Variants in WDR81 observed in about 807,000 individuals in gnomAD.
WDR81 encodes the protein WD repeat-containing protein 81.
In WDR81, 92 loss-of-function variants were observed where a neutral mutation model predicts 140.8. That is an observed-to-expected ratio of 0.65 (90% CI 0.55 to 0.78). The LOEUF is 0.78. Among genes scored for constraint, WDR81 ranks in the 30% least tolerant of loss-of-function variants. The probability of loss-of-function intolerance (pLI) is 0.00; values close to 1 mark genes in which losing one functional copy is unlikely to be tolerated. For synonymous variants in WDR81, 1,183 were observed against 1,156.4 expected, an observed-to-expected ratio of 1.02 and a Z score of -0.47; for missense variants, 2,502 against 2,636.4, an observed-to-expected ratio of 0.95 and a Z score of 1.12.
upstream of WDR81, among the ~76,000 whole-genome samples, chr17:1,720,203 T>A (rs2151155595): frequency 6.6e-6 from 1 of 152,164 alleles, no homozygotes; most frequent in East Asian, 1.9e-4. Flanking sequence ...CTGCAGCCTC[T>A]GTCCCTGACT....
At position 1,735,836 on chromosome 17, in the gene WDR81, T is replaced by G; in HGVS notation, c.5325+119T>G. The G allele has an allele frequency of 2.1e-6, 3 of 1,430,526 alleles. No homozygotes were observed. The highest frequency in any genetic ancestry group is 2.8e-6 in the Non-Finnish European group (3 of 1,068,088). The allele number at this position is 1,430,526 out of a possible 1,614,324, so 88.6% of individuals were successfully genotyped here. On this transcript the variant is annotated intron_variant, in intron 8 of 9. Transcript: ENST00000409644. The surrounding 1 kb of genome is among the most constrained non-coding windows in gnomAD (Gnocchi z 4.2). ...TTCTGGGGCCCTAGTTAGTTTCTCT[T>G]TGGTGCTAGATCACCCACAGCCACA...
chr17:1,737,147 T>C (rs1276411260), intron 9 of WDR81, among the ~76,000 whole-genome samples: 2 of 152,180 alleles, frequency 1.3e-5, no homozygotes, highest in African/African-American at 4.8e-5. Context: ...TGCCTGTGCG[T>C]AGTTCTCAAG....
At position 1,730,981 on chromosome 17, in the gene WDR81, G is replaced by A. The variant is rs1181309885; in HGVS notation, c.3966+36G>A. 2.5e-6 allele frequency: 4 copies of A among 1,608,988 alleles called. No individual in the cohort carries two copies. The Admixed American group carries it at 6.7e-5, about 27-fold the overall frequency. The stretch of plus-strand genomic sequence containing the variant: ...GGTTTGGCAGGCCCGGGGCTGGGAA[G>A]GCTGAGGACCTGAGGGCCGGCCCGG... On this transcript the variant is annotated intron_variant, in intron 3 of 9. Transcript: ENST00000409644.
chr17:1,735,928 G>A lies in WDR81; in HGVS notation c.5326-111G>A. ...TTCTGGGCTTTTCATGCCCCCTGATGAGGGTCAGAGGCTCAGGCCTTCCTG... is the reference window on the plus strand; with the variant it reads ...TTCTGGGCTTTTCATGCCCCCTGATAAGGGTCAGAGGCTCAGGCCTTCCTG... On this transcript the variant is annotated intron_variant, in intron 8 of 9. Transcript: ENST00000409644. The surrounding 1 kb of genome is among the most constrained non-coding windows in gnomAD (Gnocchi z 4.2). 1 of 1,455,470 alleles carries A rather than the reference G, an allele frequency of 6.9e-7. No homozygotes were observed. The highest frequency in any genetic ancestry group is 1.4e-5 in the South Asian group (1 of 73,402). 90.2% of individuals were successfully genotyped at this position (1,455,470 alleles called of 1,614,324 possible).
At chr17:1,719,565 A>C (rs967229401) in intron 1 of WDR81, among the ~76,000 whole-genome samples, 73 of 144,768 alleles carry the variant, frequency 5.0e-4, no homozygotes, top group East Asian at 8.5e-4. Flanking sequence ...AGAAAAAAAA[A>C]AAAAAATTAA....
At chr17:1,730,667 G>A (rs1167580479) in intron 2 of WDR81, 88 bp from the exon 3 acceptor site, 2 of 1,478,074 alleles carry the variant, frequency 1.4e-6, no homozygotes, top group Admixed American at 2.2e-5. Context: ...CAGCTAGAGT[G>A]AGCTCAAGCG....
chr17:1,726,113 G>A lies in WDR81; in HGVS notation c.1154G>A (p.Trp385Ter). Residue 385 changes from tryptophan (W) to a stop codon, truncating the protein, a stop_gained, in exon 1 of 10, where the codon TGG (tryptophan) becomes TAG (stop). Coordinates refer to ENST00000409644, the MANE Select transcript of WDR81 (RefSeq NM_001163809.2). LOFTEE classifies it high-confidence loss of function. ...CCCAACTACCACCCCGTGCTGCCCT[G>A]GGTGGTGGACTTCACTACGCCCCAT... ...GDPNYHPVLP[W>*]VVDFTTPHGR... The A allele has an allele frequency of 6.5e-7, 1 of 1,544,992 alleles. No homozygotes were observed. The highest frequency in any genetic ancestry group is 8.7e-7 in the Non-Finnish European group (1 of 1,143,150).
At position 1,736,090 on chromosome 17, in the gene WDR81, G is replaced by T; in HGVS notation, c.5377G>T (p.Ala1793Ser). Residue 1793 changes from alanine to serine, a missense_variant, in exon 9 of 10, where the codon GCC (alanine) becomes TCC (serine). Transcript: ENST00000409644. ...GLNPGLVRAL[A>S]ISPSGRSVVA... ...GAACCCTGGGCTTGTCCGTGCCCTGGCCATCAGCCCCAGTGGCCGTAGTGT... is the reference window on the plus strand; with the variant it reads ...GAACCCTGGGCTTGTCCGTGCCCTGTCCATCAGCCCCAGTGGCCGTAGTGT... The T allele has an allele frequency of 6.2e-7, 1 of 1,602,056 alleles. No individual in the cohort carries two copies.
upstream of WDR81, chr17:1,724,472 G>A: frequency 2.0e-6 from 2 of 985,656 alleles, no homozygotes; most frequent in Non-Finnish European, 2.4e-6. Context: ...GCGCTGGTGC[G>A]TGCTGGAGGG....
chr17:1,727,740 C>T lies in WDR81; in HGVS notation c.2781C>T (p.Phe927=), dbSNP rs771048619. The T allele has an allele frequency of 1.4e-5, 22 of 1,550,566 alleles. No individual in the cohort carries two copies. The highest frequency in any genetic ancestry group is 4.1e-5 in the African/African-American group (3 of 73,050). ...AGGGCCTGGAGATCCTGCTGCCCTTCGTGCTCTCACTCATGTCCGAGGAGC... is the reference window on the plus strand; with the variant it reads ...AGGGCCTGGAGATCCTGCTGCCCTTTGTGCTCTCACTCATGTCCGAGGAGC... The part of the protein sequence containing the change: ...TPEGLEILLP[F]VLSLMSEEHT... The change falls in exon 1 of 10, where the codon TTC becomes TTT. Residue 927 remains phenylalanine (F), a synonymous_variant. Transcript: ENST00000409644.
At chr17:1,731,349 A>C in intron 4 of WDR81, 91 bp downstream of exon 4, 1 of 1,423,990 alleles carries the variant, frequency 7.0e-7, no homozygotes, top group South Asian at 1.4e-5. Flanking sequence ...AGGACGTAAC[A>C]CTGGACTGGG....
chr17:1,736,090 G>A lies in WDR81; in HGVS notation c.5377G>A (p.Ala1793Thr). ...GAACCCTGGGCTTGTCCGTGCCCTG[G>A]CCATCAGCCCCAGTGGCCGTAGTGT... Reference protein sequence around the residue: ...GLNPGLVRALAISPSGRSVVA... With the variant: ...GLNPGLVRALTISPSGRSVVA... Residue 1793 changes from alanine to threonine, a missense_variant, in exon 9 of 10, where the codon GCC becomes ACC. By Grantham distance (58) the Ala-to-Thr change is moderately conservative. Coordinates refer to ENST00000409644, the MANE Select transcript of WDR81 (RefSeq NM_001163809.2). 1 of 1,602,058 alleles carries A rather than the reference G, an allele frequency of 6.2e-7. No homozygotes were observed.
intron 2 of WDR81, 49 bp from the exon 3 acceptor site, chr17:1,730,705 AC>A: frequency 1.9e-6 from 3 of 1,553,204 alleles, no homozygotes; most frequent in African/African-American, 1.4e-5. Context: ...GGGCCAGGCT[AC>A]CCCCGGCCCT....
At position 1,726,076 on chromosome 17, in the gene WDR81, C is replaced by T. The variant is rs1425564808; in HGVS notation, c.1117C>T (p.Arg373Trp). 27 of 1,547,438 alleles carry T rather than the reference C, an allele frequency of 1.7e-5. No individual in the cohort carries two copies. The highest frequency in any genetic ancestry group is 2.3e-5 in the Non-Finnish European group (26 of 1,144,956). ...LMQLNRLAGR[R>W]QGDPNYHPVL... ...GCAGCTGAATCGGTTGGCAGGTCGG[C>T]GGCAGGGGGACCCCAACTACCACCC... is the stretch of plus-strand genomic sequence containing the variant. Residue 373 changes from arginine (R) to tryptophan (W), a missense_variant, in exon 1 of 10, where the codon CGG becomes TGG. Arg to Trp is a moderately radical substitution (Grantham distance 101). Around this residue, in one of 3 missense-constraint regions of WDR81, gnomAD observed 547 missense variants for 513.8 expected, o/e 1.06. Coordinates refer to ENST00000409644, the MANE Select transcript of WDR81 (RefSeq NM_001163809.2).
rs1915161790 is a variant in WDR81 at position 1,725,319 on chromosome 17, C to T, written c.360C>T (p.Gly120=). Residue 120 remains glycine (G), a synonymous_variant, in exon 1 of 10, where the codon GGC becomes GGT. Transcript: ENST00000409644. ...AGCGGAGACTGTCCTACCCTCTGGG[C>T]GGGGGCCTGCCCTTTGAGGACGGGT... ...LRKRRLSYPL[G]GGLPFEDGSC... is the part of the protein sequence containing the mutation. The T allele has an allele frequency of 2.6e-6, 4 of 1,548,624 alleles. No homozygotes were observed. Among genetic ancestry groups the T allele is most frequent in the Non-Finnish European group, 3.5e-6 (4 of 1,146,966 alleles).
At position 1,737,955 on chromosome 17, in the gene WDR81, G is replaced by C; in HGVS notation, c.*270G>C. 1 of 562,734 alleles carries C rather than the reference G, an allele frequency of 1.8e-6. No homozygotes were observed. Among genetic ancestry groups the C allele is most frequent in the South Asian group, 2.2e-5 (1 of 45,302 alleles). 34.9% of individuals were successfully genotyped at this position (562,734 alleles called of 1,614,324 possible). On this transcript the variant is annotated 3_prime_UTR_variant, in exon 10 of 10. Transcript: ENST00000409644. ...CAGGAAGTTAAGAGCAGGAGGAAGC[G>C]TTGCTACCTTCACTTCTCCCCAGCT...
chr17:1,734,359 C>T (rs1233536504), intron 7 of WDR81, 143 bp downstream of exon 7: 24 of 995,608 alleles, frequency 2.4e-5, no homozygotes, highest in African/African-American at 1.3e-4. Flanking sequence ...GTTAGGGCTT[C>T]GAATCTGTTA....
intron 1 of WDR81, chr17:1,716,672 C>T (rs1212500058): frequency 3.2e-6 from 5 of 1,550,066 alleles, no homozygotes; most frequent in South Asian, 1.2e-5. Flanking sequence ...GAATCCAGCC[C>T]GGGGAAGTCC....
rs1915262847 is a variant in WDR81 at position 1,726,335 on chromosome 17, C to T, written c.1376C>T (p.Pro459Leu). ...TYYVYKARRT[P>L]RSVLCGHVRA... ...TATGTGTACAAGGCTCGGCGCACGC[C>T]TCGGTCGGTGCTCTGCGGACACGTC... Residue 459 changes from proline to leucine, a missense_variant, in exon 1 of 10, where the codon CCT becomes CTT. Around this residue, in one of 3 missense-constraint regions of WDR81, gnomAD observed 218 missense variants for 279.6 expected, o/e 0.78. Coordinates refer to ENST00000409644, the MANE Select transcript of WDR81 (RefSeq NM_001163809.2). 1 of 1,544,602 alleles carries T rather than the reference C, an allele frequency of 6.5e-7. No individual in the cohort carries two copies. Among genetic ancestry groups the T allele is most frequent in the Non-Finnish European group, 8.8e-7 (1 of 1,142,782 alleles).
Sources: gnomAD v4.1 joint callset for allele counts (sites outside exome capture counted in the v4.1 genomes callset) on GRCh38, gnomAD v4.1.1 for gene constraint, gnomAD v4.1.1 regional missense constraint, Gnocchi (gnomAD v3.1) non-coding constraint, MANE v1.5 for transcripts, NCBI Gene and HGNC (gene_info 2026-07-23, HGNC 2026-07-21) for gene names.